DCUN1D1: variants seen among roughly 807,000 people sequenced by gnomAD.
The protein encoded by DCUN1D1 is defective in cullin neddylation 1 domain containing 1.
Under a neutral mutation model 39.0 loss-of-function variants are expected in DCUN1D1, and 3 were observed. The observed-to-expected ratio is 0.08, with a 90% CI of 0.04 to 0.20. The LOEUF (loss-of-function observed/expected upper bound fraction) is 0.20, where lower values mean the gene tolerates loss of function less well. Among genes scored for constraint, DCUN1D1 ranks in the 10% least tolerant of loss-of-function variants. The probability of loss-of-function intolerance (pLI) is 1.00; values close to 1 mark genes in which losing one functional copy is unlikely to be tolerated. For missense variants in DCUN1D1, 158 were observed against 302.4 expected, an observed-to-expected ratio of 0.52 and a Z score of 3.54; for synonymous variants, 82 against 96.3, an observed-to-expected ratio of 0.85 and a Z score of 0.87.
intron 4 of DCUN1D1, among the ~76,000 whole-genome samples, chr3:182,951,192 T>C (rs1726714772): frequency 6.6e-6 from 1 of 152,064 alleles, no homozygotes; most frequent in African/African-American, 2.4e-5. Flanking sequence ...TGTGACTAAA[T>C]ATTTGCTGTT....
chr3:182,963,554 G>A (rs895016906), intron 3 of DCUN1D1, among the ~76,000 whole-genome samples: 1 of 152,142 alleles, frequency 6.6e-6, no homozygotes, highest in Admixed American at 6.5e-5. Flanking sequence ...TATAAATGCA[G>A]GGTTCAAAGT....
intron 1 of DCUN1D1, among the ~76,000 whole-genome samples, chr3:182,977,212 C>G (rs1458543680): frequency 6.6e-6 from 1 of 152,192 alleles, no homozygotes; most frequent in African/African-American, 2.4e-5. Context: ...CTGCAACCAA[C>G]AATCCTGCAA....
At chr3:182,945,226 A>G (rs1171858763) in intron 6 of DCUN1D1, 53 bp from the exon 7 acceptor site, 6 of 1,395,408 alleles carry the variant, frequency 4.3e-6, no homozygotes, top group South Asian at 1.2e-5. Context: ...AAGCAGAAAT[A>G]AGGCTAACAT....
intron 4 of DCUN1D1, among the ~76,000 whole-genome samples, chr3:182,954,787 C>T (rs1726944357): frequency 6.6e-6 from 1 of 152,222 alleles, no homozygotes; most frequent in East Asian, 1.9e-4. Context: ...AAGGCACTTA[C>T]TGAGGACCAA....
At chr3:182,975,106 ACAAT>A (rs1291104893) in intron 1 of DCUN1D1, among the ~76,000 whole-genome samples, 1 of 152,140 alleles carries the variant, frequency 6.6e-6, no homozygotes, top group Non-Finnish European at 1.5e-5. Context: ...CTATAAGAGC[ACAAT>A]CAAAGCAGCC....
chr3:182,952,172 T>C (rs1327280457), intron 4 of DCUN1D1, among the ~76,000 whole-genome samples: 37 of 152,194 alleles, frequency 2.4e-4, no homozygotes, highest in Admixed American at 2.4e-3. Context: ...TGCCTTATCT[T>C]AGAGAACTGA....
At chr3:182,966,777 A>T (rs1157566327) in intron 1 of DCUN1D1, among the ~76,000 whole-genome samples, 5 of 152,186 alleles carry the variant, frequency 3.3e-5, no homozygotes, top group Non-Finnish European at 1.5e-5. Flanking sequence ...TTGTAAATGA[A>T]GAGGGAAAAC....
intron 3 of DCUN1D1, among the ~76,000 whole-genome samples, chr3:182,961,854 C>A (rs1451790488): frequency 6.6e-6 from 1 of 152,214 alleles, no homozygotes; most frequent in Non-Finnish European, 1.5e-5. Flanking sequence ...CTCCTACCAC[C>A]TCCAACTGAA....
chr3:182,939,774 T>C lies in DCUN1D1; in HGVS notation c.*5320A>G, dbSNP rs1726056664. 6.6e-6 allele frequency: 1 copy of C among 152,174 alleles called. No individual in the cohort carries two copies. The highest frequency in any genetic ancestry group is 1.5e-5 in the Non-Finnish European group (1 of 68,028). 9.4% of individuals were successfully genotyped at this position (152,174 alleles called of 1,614,324 possible). ...GTTCTAAAATTGGACTGCACAACTCTTAAGTTTACTAAAAACAATTAATTG... is the reference window on the plus strand; with the variant it reads ...GTTCTAAAATTGGACTGCACAACTCCTAAGTTTACTAAAAACAATTAATTG... On this transcript the variant is annotated 3_prime_UTR_variant, in exon 7 of 7. Transcript: ENST00000292782.
intron 6 of DCUN1D1, among the ~76,000 whole-genome samples, chr3:182,945,519 G>A (rs1726348749): frequency 6.6e-6 from 1 of 152,078 alleles, no homozygotes; most frequent in African/African-American, 2.4e-5. Context: ...GGAGAATGGT[G>A]TGAACCCGGG....
chr3:182,948,157 T>A (rs1726513220), intron 4 of DCUN1D1, among the ~76,000 whole-genome samples: 1 of 152,168 alleles, frequency 6.6e-6, no homozygotes, highest in Non-Finnish European at 1.5e-5. Context: ...CAGATGAGAA[T>A]CCCTGATGTA....
In DCUN1D1 at chr3:182,947,341, AAAAAAC is replaced by A. The variant is rs1331633284; in HGVS notation, c.604-13_604-8del. On this transcript the variant is annotated splice_region_variant and splice_polypyrimidine_tract_variant and intron_variant, in intron 5 of 6. Coordinates refer to ENST00000292782, the MANE Select transcript of DCUN1D1 (RefSeq NM_020640.4). ...TTGATCGTTTATGATGTTCCTATTT[AAAAAAC>A]AAAAACAAAATACATTTGTATCACT... 31 of 1,559,032 alleles carry A rather than the reference AAAAAAC, an allele frequency of 2.0e-5. No individual in the cohort carries two copies. The East Asian group carries it at 6.8e-4, about 34-fold the overall frequency.
intron 4 of DCUN1D1, among the ~76,000 whole-genome samples, chr3:182,952,661 T>C (rs1474537285): frequency 6.6e-6 from 1 of 152,070 alleles, no homozygotes; most frequent in Non-Finnish European, 1.5e-5. Context: ...CCATGGCCAG[T>C]AGAAACCTTA....
chr3:182,975,984 C>G (rs982681334), intron 1 of DCUN1D1, among the ~76,000 whole-genome samples: 1 of 151,620 alleles, frequency 6.6e-6, no homozygotes, highest in Admixed American at 6.6e-5. Context: ...GTTTCTTTGT[C>G]CCCAAAGGCC....
intron 1 of DCUN1D1, among the ~76,000 whole-genome samples, chr3:182,978,195 G>C (rs1187338886): frequency 6.7e-6 from 1 of 148,582 alleles, no homozygotes; most frequent in Non-Finnish European, 1.5e-5. Flanking sequence ...CATCATTTAA[G>C]TTTGCTCTAG....
chr3:182,953,285 T>C lies in DCUN1D1; in HGVS notation c.521-5653A>G, dbSNP rs140361219. On this transcript the variant is annotated intron_variant, in intron 4 of 6. Coordinates refer to ENST00000292782, the MANE Select transcript of DCUN1D1 (RefSeq NM_020640.4). The stretch of plus-strand genomic sequence containing the variant: ...AAGGAAGACTTTAACTCAAAAAGAT[T>C]AATAAGTTATAACTAAGAGCTGAAA... Among the ~76,000 whole-genome samples, 77 of 152,280 alleles carry C rather than the reference T, an allele frequency of 5.1e-4. 1 individual carries two copies. The highest frequency in any genetic ancestry group is 1.8e-3 in the African/African-American group (74 of 41,562).
At chr3:182,950,563 T>C (rs1258278930) in intron 4 of DCUN1D1, among the ~76,000 whole-genome samples, 1 of 152,146 alleles carries the variant, frequency 6.6e-6, no homozygotes, top group Non-Finnish European at 1.5e-5. Flanking sequence ...TGTAGCTCTC[T>C]TGGATCTCTT....
intron 3 of DCUN1D1, among the ~76,000 whole-genome samples, chr3:182,962,251 G>C (rs114820747): frequency 0.013 from 1,976 of 152,324 alleles, 44 homozygotes; most frequent in African/African-American, 0.045. Context: ...GAAGGACATA[G>C]TGTCCAGGCC....
intron 2 of DCUN1D1, among the ~76,000 whole-genome samples, chr3:182,965,041 C>A (rs999229795): frequency 1.3e-5 from 2 of 152,100 alleles, no homozygotes; most frequent in Non-Finnish European, 2.9e-5. Context: ...ATAAATATCC[C>A]ATTTTCAGAA....
Sources: allele counts gnomAD v4.1 joint callset (sites outside exome capture counted in the v4.1 genomes callset), GRCh38; gene constraint gnomAD v4.1.1; transcripts MANE v1.5; gene names NCBI Gene and HGNC (gene_info 2026-07-23, HGNC 2026-07-21).